The following ARAF variants were observed in gnomAD, a reference collection of about 807,000 sequenced individuals.
The protein encoded by ARAF is A-Raf proto-oncogene, serine/threonine kinase, also known as serine/threonine-protein kinase A-Raf.
ARAF carries 18 observed loss-of-function variants against 48.0 expected under a neutral mutation model. The ratio of observed to expected loss-of-function variants is 0.37; its 90% CI spans 0.26 to 0.56. ARAF has a LOEUF of 0.56. Ranked by LOEUF, ARAF falls within the 20% of genes least tolerant of loss-of-function variation. The pLI is 0.77. For synonymous variants in ARAF, 207 were observed against 220.1 expected, an observed-to-expected ratio of 0.94 and a Z score of 0.53; for missense variants, 389 against 543.1, an observed-to-expected ratio of 0.72 and a Z score of 2.82.
chrX:47,566,723 C>G lies in ARAF; in HGVS notation c.642C>G (p.Ser214=). 1 of 1,208,558 alleles carries G rather than the reference C, an allele frequency of 8.3e-7. No homozygotes were observed. The highest frequency in any genetic ancestry group is 1.1e-6 in the Non-Finnish European group (1 of 893,963). ...CCCTACAGCGCATCCGCTCCACGTC[C>G]ACTCCCAACGTCCATATGGTCAGCA... ...NAPLQRIRST[S]TPNVHMVSTT... Residue 214 remains serine (S), a synonymous_variant, in exon 7 of 16, where the codon TCC becomes TCG. Coordinates refer to ENST00000377045, the MANE Select transcript of ARAF (RefSeq NM_001654.5).
In ARAF at chrX:47,571,460, C is replaced by A. The variant is rs758447492; in HGVS notation, c.*3C>A. The A allele has an allele frequency of 1.1e-4, 132 of 1,196,998 alleles. No homozygotes were observed. The highest frequency in any genetic ancestry group is 2.5e-5 in the Non-Finnish European group (22 of 889,260). On this transcript the variant is annotated 3_prime_UTR_variant, in exon 16 of 16. Coordinates refer to ENST00000377045, the MANE Select transcript of ARAF (RefSeq NM_001654.5). ...GCGCAGCCCGCCTTGTGCCTTAGGCCCCGCCCAAGCCACCAGGGAGCCAAT... is the reference window on the plus strand; with the variant it reads ...GCGCAGCCCGCCTTGTGCCTTAGGCACCGCCCAAGCCACCAGGGAGCCAAT...
chrX:47,568,764 C>T lies in ARAF; in HGVS notation c.1123C>T (p.Arg375Trp), dbSNP rs755308260. 10 of 1,211,561 alleles carry T rather than the reference C, an allele frequency of 8.3e-6. No homozygotes were observed. The highest frequency in any genetic ancestry group is 2.2e-5 in the Admixed American group (1 of 46,069). The change falls in exon 11 of 16, where the codon CGG becomes TGG. Residue 375 changes from arginine (R) to tryptophan (W), a missense_variant. Arg to Trp is a moderately radical substitution (Grantham distance 101). Around this residue, in one of 4 missense-constraint regions of ARAF, gnomAD observed 170 missense variants for 281.4 expected, o/e 0.60. Coordinates refer to ENST00000377045, the MANE Select transcript of ARAF (RefSeq NM_001654.5). ...NILLFMGFMT[R>W]PGFAIITQWC... ...CTTGCTGTTTATGGGCTTCATGACCCGGCCGGGATTTGCCATCATCACACA... is the reference window on the plus strand; with the variant it reads ...CTTGCTGTTTATGGGCTTCATGACCTGGCCGGGATTTGCCATCATCACACA...
chrX:47,570,066 T>C (rs765633363), intron 14 of ARAF, 42 bp downstream of exon 14: 1 of 1,182,730 alleles, frequency 8.5e-7, no homozygotes, highest in East Asian at 3.0e-5. Context: ...GGCTGAGGGA[T>C]CCCCTCAGGC....
intron 12 of ARAF, 70 bp downstream of exon 12, chrX:47,569,103 G>C (rs2057744966): frequency 8.9e-7 from 1 of 1,121,056 alleles, no homozygotes; most frequent in Admixed American, 2.6e-5. Flanking sequence ...TCTTGTGGGG[G>C]TTCTGGGAAT....
intron 6 of ARAF, 28 bp downstream of exon 6, chrX:47,565,378 T>TG (rs869122414): frequency 8.4e-6 from 10 of 1,195,590 alleles, no homozygotes; most frequent in Non-Finnish European, 1.1e-5. Context: ...GAAGAGCTGC[T>TG]GGGGGAGAAA....
chrX:47,570,828 C>T, intron 14 of ARAF, 50 bp from the exon 15 acceptor site: 1 of 1,169,551 alleles, frequency 8.6e-7, no homozygotes, highest in Non-Finnish European at 1.2e-6. Context: ...CCTTGGGCCT[C>T]CCAGCCCCTG....
intron 3 of ARAF, 67 bp from the exon 4 acceptor site, chrX:47,564,729 TG>T (rs2057724751): frequency 8.8e-6 from 8 of 909,400 alleles, no homozygotes; most frequent in Non-Finnish European, 1.3e-5. Context: ...GAGGGACTTG[TG>T]GGGGTTCCCT....
chrX:47,571,268 T>C, intron 15 of ARAF, 55 bp from the exon 16 acceptor site: 4 of 1,155,576 alleles, frequency 3.5e-6, no homozygotes, highest in Non-Finnish European at 4.6e-6. Flanking sequence ...AGGCTGGGGC[T>C]GTTGGGATGC....
chrX:47,569,411 C>T (rs1010514052), intron 12 of ARAF, 128 bp from the exon 13 acceptor site: 10 of 553,170 alleles, frequency 1.8e-5, no homozygotes, highest in African/African-American at 9.3e-5. Flanking sequence ...GGATAGTTTG[C>T]GTGATATTAA....
At chrX:47,563,448 A>G in intron 3 of ARAF, 119 bp downstream of exon 3, 1 of 575,385 alleles carries the variant, frequency 1.7e-6, no homozygotes, top group South Asian at 2.8e-5. Context: ...CTTAGTCTTT[A>G]GTCCCCCCTT....
chrX:47,562,432 C>G (rs886853824), intron 1 of ARAF, among the ~76,000 whole-genome samples: 16 of 101,676 alleles, frequency 1.6e-4, no homozygotes, highest in African/African-American at 5.5e-4. Flanking sequence ...TTGCAGTGAG[C>G]TGAGACCATG....
At chrX:47,565,651 AT>A (rs990394668) in intron 6 of ARAF, 2 of 163,761 alleles carry the variant, frequency 1.2e-5, no homozygotes, top group Non-Finnish European at 2.2e-5. Flanking sequence ...TAAATAATCA[AT>A]TTTTTTGTTA....
Position 47,565,023 on chromosome X carries a change from C to G in ARAF, c.342C>G (p.Phe114Leu). Reference sequence around the variant, plus strand: ...TCTTCAGCCTGGCGTTCTGTGACTTCTGCCTTAAGTTTCTGTTCCATGGCT... The same window carrying G: ...TCTTCAGCCTGGCGTTCTGTGACTTGTGCCTTAAGTTTCTGTTCCATGGCT... ...KTFFSLAFCD[F>L]CLKFLFHGFR... Residue 114 changes from phenylalanine to leucine, a missense_variant, in exon 5 of 16, where the codon TTC (phenylalanine) becomes TTG (leucine). By Grantham distance (22) the Phe-to-Leu change is conservative (BLOSUM62 0). Transcript: ENST00000377045. The G allele has an allele frequency of 1.7e-6, 2 of 1,212,017 alleles. No homozygotes were observed. The highest frequency in any genetic ancestry group is 2.2e-6 in the Non-Finnish European group (2 of 895,560).
intron 1 of ARAF, among the ~76,000 whole-genome samples, chrX:47,562,539 G>T (rs1219871941): frequency 1.9e-5 from 2 of 106,544 alleles, no homozygotes; most frequent in African/African-American, 6.9e-5. Flanking sequence ...TTCTGTTCGT[G>T]CTTCTTATGT....
At chrX:47,569,167 C>T in intron 12 of ARAF, 134 bp downstream of exon 12, 1 of 827,698 alleles carries the variant, frequency 1.2e-6, no homozygotes, top group South Asian at 2.4e-5. Context: ...AGAGCTGTGG[C>T]CAGCCAGGGG....
chrX:47,570,774 C>T, intron 14 of ARAF, 104 bp from the exon 15 acceptor site: 1 of 830,767 alleles, frequency 1.2e-6, no homozygotes, highest in South Asian at 2.6e-5. Context: ...GACAGTACCC[C>T]AGCTCGCTAA....
Position 47,562,921 on chromosome X carries a change from A to G in ARAF, c.-47A>G, listed in dbSNP as rs1219285740. The G allele has an allele frequency of 1.9e-6, 2 of 1,029,188 alleles. No homozygotes were observed. Among genetic ancestry groups the G allele is most frequent in the Non-Finnish European group, 2.6e-6 (2 of 766,572 alleles). 84.8% of individuals were successfully genotyped at this position (1,029,188 alleles called of 1,213,427 possible). A position where few individuals can be genotyped will look rare whatever the true frequency, so the allele number is the denominator to read the frequency against. ...TGCCTTCTTGTAGGAGCCCCATGGC[A>G]CCTGCCCAGCCCCACCTCAGCCCAT... On this transcript the variant is annotated 5_prime_UTR_variant, in exon 2 of 16. Coordinates refer to ENST00000377045, the MANE Select transcript of ARAF (RefSeq NM_001654.5).
intron 10 of ARAF, 122 bp downstream of exon 10, chrX:47,567,554 A>G (rs918950436): frequency 1.2e-5 from 10 of 811,333 alleles, no homozygotes; most frequent in Non-Finnish European, 1.6e-5. Flanking sequence ...AACCATCATC[A>G]GAAGTTGTTT....
At chrX:47,569,132 G>A in intron 12 of ARAF, 99 bp downstream of exon 12, 1 of 1,033,885 alleles carries the variant, frequency 9.7e-7, no homozygotes, top group Non-Finnish European at 1.3e-6. Flanking sequence ...AGGGGCATGT[G>A]TCCCAGAGCT....
Sources: gnomAD v4.1 joint callset for allele counts (sites outside exome capture counted in the v4.1 genomes callset) on GRCh38, gnomAD v4.1.1 for gene constraint, gnomAD v4.1.1 regional missense constraint, MANE v1.5 for transcripts, NCBI Gene and HGNC (gene_info 2026-07-23, HGNC 2026-07-21) for gene names.